Variants in LINGO3 observed in about 807,000 individuals in gnomAD.
The protein encoded by LINGO3 is leucine-rich repeat and immunoglobulin-like domain-containing nogo receptor-interacting protein 3.
For synonymous variants in LINGO3, 427 were observed against 444.2 expected (o/e 0.96, Z 0.49); for missense variants, 750 against 867.7 (o/e 0.86, Z 1.70).
At chr19:2,301,696 G>C in the LINGO3 span, among the ~76,000 whole-genome samples, 2 of 152,072 alleles carry the variant, frequency 1.3e-5, no homozygotes, top group African/African-American at 4.8e-5. Context: ...GGGAGGCCGA[G>C]GAGGGCGGAT....
At chr19:2,294,860 C>T (rs902122157), upstream of LINGO3, among the ~76,000 whole-genome samples, 6 of 152,100 alleles carry the variant, frequency 3.9e-5, no homozygotes, top group African/African-American at 4.8e-5. This position sits in a 1 kb window ranked among gnomAD's most constrained non-coding sequence, Gnocchi z 4.3. Flanking sequence ...AACTACCAGG[C>T]GGCATTGCCC....
chr19:2,302,501 C>T, the LINGO3 span, among the ~76,000 whole-genome samples: 1 of 152,264 alleles, frequency 6.6e-6, no homozygotes, highest in South Asian at 2.1e-4. Flanking sequence ...CTGCGCCCCG[C>T]CGTCCACAGG....
At position 2,290,483 on chromosome 19, in the gene LINGO3, C is replaced by A; in HGVS notation, c.1294G>T (p.Glu432Ter). 6.8e-7 allele frequency: 1 copy of A among 1,474,242 alleles called. No homozygotes were observed. Among genetic ancestry groups the A allele is most frequent in the Non-Finnish European group, 8.9e-7 (1 of 1,118,478 alleles). 91.3% of individuals were successfully genotyped at this position (1,474,242 alleles called of 1,614,324 possible). A position where few individuals can be genotyped will look rare whatever the true frequency, so the allele number is the denominator to read the frequency against. Reference sequence around the variant, plus strand: ...GCCACGGTGGGCGCCGGCTCGCCCTCGGCGCGGCAGAGGAAGCGGACGTCT... The same window carrying A: ...GCCACGGTGGGCGCCGGCTCGCCCTAGGCGCGGCAGAGGAAGCGGACGTCT... The change falls in exon 1 of 1, where the codon GAG becomes TAG. Residue 432 changes from glutamate (E) to a stop codon, truncating the protein, a stop_gained. Coordinates refer to ENST00000585527, the Ensembl canonical transcript of LINGO3. LOFTEE classifies it low-confidence loss of function (END_TRUNC). The surrounding 1 kb of genome is among the most constrained non-coding windows in gnomAD (Gnocchi z 6.0).
chr19:2,304,947 G>T, the LINGO3 span, among the ~76,000 whole-genome samples: 1 of 152,018 alleles, frequency 6.6e-6, no homozygotes, highest in Non-Finnish European at 1.5e-5. Context: ...GATCTCCAGT[G>T]ATCTGCCTGC....
chr19:2,294,983 C>T (rs556281760), upstream of LINGO3, among the ~76,000 whole-genome samples: 6 of 152,260 alleles, frequency 3.9e-5, no homozygotes, highest in African/African-American at 4.8e-5. The surrounding 1 kb of genome is among the most constrained non-coding windows in gnomAD (Gnocchi z 4.3). Context: ...CCAGGTTGTG[C>T]GTCTCCTCAC....
the LINGO3 span, among the ~76,000 whole-genome samples, chr19:2,298,297 C>T: frequency 1.3e-5 from 2 of 151,802 alleles, no homozygotes; most frequent in African/African-American, 2.4e-5. Context: ...GTGGTGTGAT[C>T]TCGGCTCACT....
exon 1 of LINGO3, chr19:2,291,297 G>A (rs1405783797): frequency 1.9e-6 from 3 of 1,612,836 alleles, no homozygotes; most frequent in African/African-American, 1.3e-5. Context: ...ATACCAGGTC[G>A]TTGTCGCCCA....
chr19:2,307,313 C>G, the LINGO3 span, among the ~76,000 whole-genome samples: 1 of 152,218 alleles, frequency 6.6e-6, no homozygotes, highest in Non-Finnish European at 1.5e-5. Context: ...CGTTAGCGCC[C>G]CAAGCACACG....
upstream of LINGO3, among the ~76,000 whole-genome samples, chr19:2,294,937 C>A (rs1176617697): frequency 6.6e-6 from 1 of 151,966 alleles, no homozygotes; most frequent in African/African-American, 2.4e-5. The surrounding 1 kb of genome is among the most constrained non-coding windows in gnomAD (Gnocchi z 4.3). Context: ...GGCAGCTGAG[C>A]CCCCCTCGGC....
At chr19:2,289,952 G>T (rs1437885600) in exon 1 of LINGO3, 11 of 1,438,376 alleles carry the variant, frequency 7.6e-6, no homozygotes, top group Non-Finnish European at 1.0e-5. Context: ...CACGCGAGCG[G>T]CCGGCCCGCG....
the LINGO3 span, among the ~76,000 whole-genome samples, chr19:2,300,573 C>G: frequency 6.6e-6 from 1 of 152,000 alleles, no homozygotes; most frequent in South Asian, 2.1e-4. Flanking sequence ...CCCAGGGACC[C>G]AGCCCCATCC....
chr19:2,307,876 T>A, the LINGO3 span, among the ~76,000 whole-genome samples: 1 of 151,862 alleles, frequency 6.6e-6, no homozygotes, highest in African/African-American at 2.4e-5. Context: ...GGGTGGGGAG[T>A]TCGCCCCCAA....
exon 1 of LINGO3, chr19:2,291,420 G>C: frequency 6.2e-7 from 1 of 1,613,420 alleles, no homozygotes; most frequent in South Asian, 1.1e-5. Context: ...TGAAGACCCC[G>C]GGCGGGATGA....
exon 1 of LINGO3, chr19:2,291,047 G>T (rs773822075): frequency 6.2e-7 from 1 of 1,610,200 alleles, no homozygotes; most frequent in Non-Finnish European, 8.5e-7. Context: ...TTCAGGCCCC[G>T]CAGGCTGCCC....
the LINGO3 span, among the ~76,000 whole-genome samples, chr19:2,300,432 G>A: frequency 6.6e-6 from 1 of 151,676 alleles, no homozygotes; most frequent in Non-Finnish European, 1.5e-5. Context: ...CATCCTCATC[G>A]GTCCCTCGGA....
Position 2,290,373 on chromosome 19 carries a change from C to A in LINGO3, c.1404G>T (p.Gln468His). 1 of 1,486,084 alleles carries A rather than the reference C, an allele frequency of 6.7e-7. No individual in the cohort carries two copies. The highest frequency in any genetic ancestry group is 8.9e-7 in the Non-Finnish European group (1 of 1,126,620). 92.1% of individuals were successfully genotyped at this position (1,486,084 alleles called of 1,614,324 possible). A position where few individuals can be genotyped will look rare whatever the true frequency, so the allele number is the denominator to read the frequency against. Residue 468 changes from glutamine to histidine, a missense_variant, in exon 1 of 1, where the codon CAG becomes CAT. Physicochemically the swap from Gln to His is conservative, Grantham distance 24 (BLOSUM62 0). Coordinates refer to ENST00000585527, the Ensembl canonical transcript of LINGO3. The surrounding 1 kb of genome is among the most constrained non-coding windows in gnomAD (Gnocchi z 6.0). ...TGCCGCTGTCCTGCGGCCGCGCGTC[C>A]TGGATCTCCAGCGTCCCCCCGGGGA...
chr19:2,293,863 G>C (rs2025549641), upstream of LINGO3, among the ~76,000 whole-genome samples: 1 of 151,782 alleles, frequency 6.6e-6, no homozygotes, highest in Admixed American at 6.6e-5. Context: ...GACCAGCCTG[G>C]GCAACATGGG....
At chr19:2,287,826 G>A (rs917477926), downstream of LINGO3, among the ~76,000 whole-genome samples, 1 of 152,192 alleles carries the variant, frequency 6.6e-6, no homozygotes, top group East Asian at 1.9e-4. The surrounding 1 kb of genome is among the most constrained non-coding windows in gnomAD (Gnocchi z 4.5). Context: ...TCACATAGCC[G>A]GGCAGGAGCA....
At chr19:2,291,135 C>A in exon 1 of LINGO3, 1 of 1,607,642 alleles carries the variant, frequency 6.2e-7, no homozygotes. Flanking sequence ...AGTTCTGGTC[C>A]TCCAGGGAGG....
Sources: gnomAD v4.1 joint callset for allele counts (sites outside exome capture counted in the v4.1 genomes callset) on GRCh38, gnomAD v4.1.1 for gene constraint, Gnocchi (gnomAD v3.1) non-coding constraint, MANE v1.5 for transcripts, NCBI Gene and HGNC (gene_info 2026-07-23, HGNC 2026-07-21) for gene names.